The following ZNF438 variants were observed in gnomAD, a reference collection of about 807,000 sequenced individuals.
The protein encoded by ZNF438 is zinc finger protein 438.
A neutral mutation model predicts 38.0 loss-of-function variants in ZNF438; 25 were observed. The ratio of observed to expected loss-of-function variants is 0.66; its 90% confidence interval spans 0.48 to 0.92. The LOEUF (loss-of-function observed/expected upper bound fraction) is 0.92. Among genes scored for constraint, ZNF438 ranks in the 40% least tolerant of loss-of-function variants. ZNF438 has a pLI of 0.00. For missense variants in ZNF438, 1,007 were observed against 999.6 expected (o/e 1.01, Z -0.10); for synonymous variants, 372 against 364.1 (o/e 1.02, Z -0.25).
chr10:30,954,130 G>T (rs1464859882), intron 1 of ZNF438, among the ~76,000 whole-genome samples: 1 of 151,868 alleles, frequency 6.6e-6, no homozygotes, highest in Non-Finnish European at 1.5e-5. Context: ...GCGACAGTGC[G>T]AGACTGTTTA....
chr10:30,879,799 A>C (rs1351721848), intron 3 of ZNF438, among the ~76,000 whole-genome samples: 4 of 152,198 alleles, frequency 2.6e-5, no homozygotes, highest in Non-Finnish European at 4.4e-5. Context: ...AAAAACAAAA[A>C]ACAAAAATCA....
At chr10:30,904,591 A>G (rs1256853410) in intron 3 of ZNF438, among the ~76,000 whole-genome samples, 1 of 152,116 alleles carries the variant, frequency 6.6e-6, no homozygotes, top group Non-Finnish European at 1.5e-5. Context: ...CCCAGACTGA[A>G]AACCTTTCAA....
At chr10:30,850,839 CATCTT>C (rs2033482729) in intron 4 of ZNF438, among the ~76,000 whole-genome samples, 1 of 152,182 alleles carries the variant, frequency 6.6e-6, no homozygotes, top group Admixed American at 6.5e-5. Context: ...ATATTCATCT[CATCTT>C]GATATTTCCC....
At chr10:30,948,121 AC>A (rs1489297864) in intron 1 of ZNF438, among the ~76,000 whole-genome samples, 1 of 151,082 alleles carries the variant, frequency 6.6e-6, no homozygotes, top group East Asian at 2.0e-4. Context: ...ACTGGGAGGC[AC>A]CCCCCAGCAG....
intron 1 of ZNF438, among the ~76,000 whole-genome samples, chr10:30,949,044 C>T (rs547214637): frequency 0.054 from 8,262 of 152,066 alleles, 709 homozygotes; most frequent in African/African-American, 0.19. Flanking sequence ...AGACTAACAG[C>T]GGATCTCTCG....
At chr10:31,009,277 A>G (rs571644841) in intron 1 of ZNF438, among the ~76,000 whole-genome samples, 1 of 152,300 alleles carries the variant, frequency 6.6e-6, no homozygotes, top group South Asian at 2.1e-4. Flanking sequence ...TGCAGACAGA[A>G]TTGGCATGTG....
chr10:30,864,738 A>G (rs1285505500), intron 4 of ZNF438, among the ~76,000 whole-genome samples: 1 of 152,196 alleles, frequency 6.6e-6, no homozygotes, highest in African/African-American at 2.4e-5. Context: ...GTTAGGCCCC[A>G]TCTCCTTCCT....
intron 2 of ZNF438, among the ~76,000 whole-genome samples, chr10:30,922,644 G>A (rs941439287): frequency 6.6e-6 from 1 of 152,042 alleles, no homozygotes; most frequent in Admixed American, 6.6e-5. Context: ...GACCAGCCTG[G>A]ACAACATGGT....
chr10:30,965,999 A>G (rs2050074324), intron 1 of ZNF438, among the ~76,000 whole-genome samples: 2 of 152,186 alleles, frequency 1.3e-5, no homozygotes, highest in South Asian at 4.1e-4. Flanking sequence ...ACTGTAAAAA[A>G]AATAGAATCT....
intron 1 of ZNF438, among the ~76,000 whole-genome samples, chr10:30,996,261 T>C (rs1354494933): frequency 2.6e-5 from 4 of 152,108 alleles, no homozygotes; most frequent in African/African-American, 9.7e-5. Context: ...AGTAATCACA[T>C]TAAATGTGAA....
chr10:31,027,086 C>T (rs1186318388), intron 1 of ZNF438, among the ~76,000 whole-genome samples: 3 of 112,618 alleles, frequency 2.7e-5, no homozygotes, highest in African/African-American at 1.1e-4. Context: ...ATACCAGTGC[C>T]TGTCGTGGGG....
chr10:31,017,665 T>C (rs1415254684), intron 1 of ZNF438, among the ~76,000 whole-genome samples: 1 of 152,192 alleles, frequency 6.6e-6, no homozygotes, highest in Non-Finnish European at 1.5e-5. Flanking sequence ...CCTCTCTTGA[T>C]TGAAGGTTAG....
intron 1 of ZNF438, among the ~76,000 whole-genome samples, chr10:30,950,573 C>T (rs1301478532): frequency 2.0e-5 from 3 of 151,652 alleles, no homozygotes; most frequent in Non-Finnish European, 4.4e-5. Flanking sequence ...GATATCACCA[C>T]CGATCCCACA....
At chr10:30,882,078 T>C (rs2039330636) in intron 3 of ZNF438, among the ~76,000 whole-genome samples, 1 of 152,072 alleles carries the variant, frequency 6.6e-6, no homozygotes, top group South Asian at 2.1e-4. Flanking sequence ...TTCATCAAAA[T>C]TGCAAAATTC....
At chr10:31,027,189 T>C (rs566805048) in intron 1 of ZNF438, among the ~76,000 whole-genome samples, 146 of 152,256 alleles carry the variant, frequency 9.6e-4, no homozygotes, top group Non-Finnish European at 1.8e-3. Flanking sequence ...CATGTATACA[T>C]ATGTAACAAA....
intron 2 of ZNF438, among the ~76,000 whole-genome samples, chr10:30,927,014 T>C (rs2135144774): frequency 6.6e-6 from 1 of 152,312 alleles, no homozygotes; most frequent in Admixed American, 6.5e-5. Flanking sequence ...GACTTGGGAA[T>C]TTTTGGTGTG....
chr10:30,990,983 C>G (rs1156474763), intron 1 of ZNF438, among the ~76,000 whole-genome samples: 2 of 151,990 alleles, frequency 1.3e-5, no homozygotes, highest in African/African-American at 4.8e-5. Context: ...AAAACAACCA[C>G]TTAAACTGGA....
At chr10:30,896,647 T>G (rs2934633) in intron 3 of ZNF438, among the ~76,000 whole-genome samples, 1 of 151,796 alleles carries the variant, frequency 6.6e-6, no homozygotes, top group Non-Finnish European at 1.5e-5. Flanking sequence ...CTGGGGGATA[T>G]GGGGTTGTGG....
At chr10:30,854,183 G>T (rs1390329068) in intron 4 of ZNF438, among the ~76,000 whole-genome samples, 1 of 152,136 alleles carries the variant, frequency 6.6e-6, no homozygotes, top group Non-Finnish European at 1.5e-5. Context: ...AGCTGGGCGT[G>T]GTGGTGGGCG....
Sources: gnomAD v4.1 joint callset for allele counts (sites outside exome capture counted in the v4.1 genomes callset) on GRCh38, gnomAD v4.1.1 for gene constraint, MANE v1.5 for transcripts, NCBI Gene and HGNC (gene_info 2026-07-23, HGNC 2026-07-21) for gene names.